BLNK: variants seen among roughly 807,000 people sequenced by gnomAD.
BLNK encodes the protein B cell linker, also known as B-cell linker protein.
BLNK carries 29 observed loss-of-function variants against 73.5 expected under a neutral mutation model. The ratio of observed to expected loss-of-function variants is 0.39; its 90% CI spans 0.29 to 0.54. The LOEUF (loss-of-function observed/expected upper bound fraction) is 0.54, where lower values mean the gene tolerates loss of function less well. Ranked by LOEUF, BLNK falls within the 20% of genes least tolerant of loss-of-function variation. BLNK has a pLI of 0.61. For synonymous variants in BLNK, 176 were observed against 200.8 expected, an observed-to-expected ratio of 0.88 and a Z score of 1.04; for missense variants, 460 against 562.8, an observed-to-expected ratio of 0.82 and a Z score of 1.85.
chr10:96,213,571 T>C (rs55975329), intron 8 of BLNK, among the ~76,000 whole-genome samples: 5,047 of 152,062 alleles, frequency 0.033, 124 homozygotes, highest in South Asian at 0.11. Flanking sequence ...ACCCGTGACA[T>C]ACAGGCTGAT....
chr10:96,261,148 A>C (rs1475170482), intron 1 of BLNK, among the ~76,000 whole-genome samples: 2 of 152,168 alleles, frequency 1.3e-5, no homozygotes, highest in African/African-American at 4.8e-5. Flanking sequence ...CCTGGCCAAC[A>C]ATATCTAGTG....
chr10:96,209,788 C>T (rs1554898280), intron 9 of BLNK, 50 bp downstream of exon 9: 1 of 1,602,502 alleles, frequency 6.2e-7, no homozygotes, highest in African/African-American at 1.3e-5. Context: ...GGGGTATCAC[C>T]ATCCTCACTC....
At chr10:96,263,131 T>C (rs969845511) in intron 1 of BLNK, among the ~76,000 whole-genome samples, 12 of 152,230 alleles carry the variant, frequency 7.9e-5, no homozygotes, top group Non-Finnish European at 1.0e-4. Context: ...GGCTGCATAA[T>C]TTCTGGGGCC....
intron 6 of BLNK, among the ~76,000 whole-genome samples, chr10:96,221,331 C>T (rs2084192582): frequency 6.6e-6 from 1 of 152,202 alleles, no homozygotes; most frequent in African/African-American, 2.4e-5. Context: ...TCTGTTTAGC[C>T]TGTATCTCTG....
intron 16 of BLNK, among the ~76,000 whole-genome samples, chr10:96,192,306 G>T (rs2083347529): frequency 6.6e-6 from 1 of 151,132 alleles, no homozygotes; most frequent in East Asian, 1.9e-4. Context: ...CACACTGACA[G>T]CCTCAATTAG....
intron 3 of BLNK, among the ~76,000 whole-genome samples, chr10:96,231,710 G>A (rs587688768): frequency 1.7e-3 from 227 of 133,880 alleles, no homozygotes; most frequent in African/African-American, 6.3e-3. Flanking sequence ...TGGGATGACA[G>A]AGTAAGACCC....
chr10:96,226,814 T>TGACA (rs781948054), intron 5 of BLNK, among the ~76,000 whole-genome samples: 6 of 151,248 alleles, frequency 4.0e-5, no homozygotes, highest in Non-Finnish European at 8.8e-5. Context: ...CCAGCCTGGG[T>TGACA]GACAGAGTGA....
At chr10:96,194,210 C>T (rs1013112915) in intron 16 of BLNK, among the ~76,000 whole-genome samples, 30 of 152,092 alleles carry the variant, frequency 2.0e-4, no homozygotes, top group Non-Finnish European at 3.8e-4. Flanking sequence ...GCTTCTTCAC[C>T]CACCCTTAAG....
At chr10:96,242,123 T>G (rs971722809) in intron 3 of BLNK, among the ~76,000 whole-genome samples, 1 of 152,184 alleles carries the variant, frequency 6.6e-6, no homozygotes, top group Non-Finnish European at 1.5e-5. Flanking sequence ...GGGAGGGACC[T>G]TGTAGGAGAT....
intron 11 of BLNK, among the ~76,000 whole-genome samples, chr10:96,205,816 G>A (rs1405758628): frequency 6.6e-6 from 1 of 152,198 alleles, no homozygotes; most frequent in Non-Finnish European, 1.5e-5. Context: ...CACCTAAGCA[G>A]CAGTGGACAT....
chr10:96,235,629 CG>C (rs1842663059), intron 3 of BLNK, among the ~76,000 whole-genome samples: 1 of 152,074 alleles, frequency 6.6e-6, no homozygotes, highest in South Asian at 2.1e-4. Context: ...TTGCCAGGAG[CG>C]GGGAAAGTTC....
chr10:96,215,656 G>A (rs587723358), intron 7 of BLNK, among the ~76,000 whole-genome samples: 1 of 152,276 alleles, frequency 6.6e-6, no homozygotes, highest in Non-Finnish European at 1.5e-5. Context: ...TCTTGTTAAA[G>A]TGAATAATGG....
At chr10:96,214,477 A>T (rs923831778) in intron 8 of BLNK, among the ~76,000 whole-genome samples, 48 of 152,304 alleles carry the variant, frequency 3.2e-4, no homozygotes, top group African/African-American at 1.2e-3. Flanking sequence ...GCTGCTGGAC[A>T]AGAAGGTGCA....
At position 96,223,829 on chromosome 10, in the gene BLNK, A is replaced by T; in HGVS notation, c.522T>A (p.Asp174Glu). 6.2e-7 allele frequency: 1 copy of T among 1,613,602 alleles called. No homozygotes were observed. Among genetic ancestry groups the T allele is most frequent in the South Asian group, 1.1e-5 (1 of 91,044 alleles). The change falls in exon 6 of 17, where the codon GAT (aspartate) becomes GAA (glutamate). Residue 174 changes from aspartate (D) to glutamate (E), a missense_variant. Around this residue, in one of 3 missense-constraint regions of BLNK, gnomAD observed 233 missense variants for 232.1 expected, o/e 1.00. Coordinates refer to ENST00000224337, the MANE Select transcript of BLNK (RefSeq NM_013314.4). Reference sequence around the variant, plus strand: ...CTTTGGCACAGATTTACTTTACCTCATCCTCAAGGAGGCCTTTGGGTTTGG... The same window carrying T: ...CTTTGGCACAGATTTACTTTACCTCTTCCTCAAGGAGGCCTTTGGGTTTGG... ...VPPKPKGLLE[D>E]EADYVVPVED...
At chr10:96,229,044 G>T (rs1442978175) in intron 4 of BLNK, among the ~76,000 whole-genome samples, 1 of 152,070 alleles carries the variant, frequency 6.6e-6, no homozygotes, top group Non-Finnish European at 1.5e-5. Context: ...GGTAAATGGG[G>T]TATCCATCAC....
intron 15 of BLNK, among the ~76,000 whole-genome samples, chr10:96,198,584 T>C (rs1296795013): frequency 6.6e-6 from 1 of 152,248 alleles, no homozygotes; most frequent in African/African-American, 2.4e-5. Context: ...AAGAGCTTCA[T>C]ACAGAACAAC....
intron 10 of BLNK, among the ~76,000 whole-genome samples, 154 bp downstream of exon 10, chr10:96,207,718 G>A (rs1287450419): frequency 1.3e-5 from 2 of 152,192 alleles, no homozygotes; most frequent in Non-Finnish European, 2.9e-5. Flanking sequence ...GCTACCTGAG[G>A]ATTTGAAGCT....
intron 4 of BLNK, among the ~76,000 whole-genome samples, chr10:96,228,521 C>T (rs587669143): frequency 1.2e-4 from 19 of 152,056 alleles, no homozygotes; most frequent in South Asian, 6.3e-4. Flanking sequence ...CCTCCCAAAG[C>T]GCTGAGATTA....
chr10:96,241,416 T>A (rs1181688918), intron 3 of BLNK, among the ~76,000 whole-genome samples: 3 of 152,250 alleles, frequency 2.0e-5, no homozygotes, highest in Non-Finnish European at 4.4e-5. Flanking sequence ...ATATTTCACT[T>A]GGCTCACCAC....
Sources: allele counts gnomAD v4.1 joint callset (sites outside exome capture counted in the v4.1 genomes callset), GRCh38; gene constraint gnomAD v4.1.1; regional missense constraint gnomAD v4.1.1; transcripts MANE v1.5; gene names NCBI Gene and HGNC (gene_info 2026-07-23, HGNC 2026-07-21).